Variants in EYA2 observed in about 807,000 individuals in gnomAD.
The protein encoded by EYA2 is protein phosphatase EYA2.
EYA2 carries 31 observed loss-of-function variants against 69.2 expected under a neutral mutation model. The ratio of observed to expected loss-of-function variants is 0.45; its 90% CI spans 0.34 to 0.60. EYA2 has a LOEUF of 0.60. Among genes scored for constraint, EYA2 ranks in the 20% least tolerant of loss-of-function variants. The pLI, the probability that EYA2 is intolerant of heterozygous loss-of-function variation, is 0.02. For synonymous variants in EYA2, 257 were observed against 279.4 expected (o/e 0.92, Z 0.80); for missense variants, 622 against 701.2 (o/e 0.89, Z 1.28).
chr20:47,085,669 T>C (rs1481299691), intron 7 of EYA2, among the ~76,000 whole-genome samples: 1 of 148,214 alleles, frequency 6.7e-6, no homozygotes, highest in African/African-American at 2.5e-5. Context: ...AAGAAAGAAA[T>C]GAAGTATCGA....
At chr20:46,937,818 C>T (rs1985981699) in intron 1 of EYA2, among the ~76,000 whole-genome samples, 1 of 152,154 alleles carries the variant, frequency 6.6e-6, no homozygotes, top group Admixed American at 6.5e-5. Flanking sequence ...AGAAAATCAA[C>T]TCATTCATTC....
intron 1 of EYA2, among the ~76,000 whole-genome samples, chr20:46,976,074 A>T (rs952023892): frequency 6.6e-6 from 1 of 152,162 alleles, no homozygotes; most frequent in South Asian, 2.1e-4. Context: ...GCAATTGCTT[A>T]TGTAAGCTGA....
At chr20:46,974,648 G>C (rs1172028214) in intron 1 of EYA2, among the ~76,000 whole-genome samples, 1 of 152,130 alleles carries the variant, frequency 6.6e-6, no homozygotes. Flanking sequence ...GCCATCCTTG[G>C]CAGGAAGGAC....
chr20:47,124,466 T>C (rs145458151), intron 9 of EYA2, among the ~76,000 whole-genome samples: 1 of 152,186 alleles, frequency 6.6e-6, no homozygotes, highest in Non-Finnish European at 1.5e-5. Flanking sequence ...GTGTGACGAC[T>C]ACTAATAATA....
At chr20:47,153,932 T>C (rs2033871490) in intron 10 of EYA2, among the ~76,000 whole-genome samples, 1 of 152,054 alleles carries the variant, frequency 6.6e-6, no homozygotes, top group African/African-American at 2.4e-5. Context: ...AACTGACATT[T>C]ACTGAGCACT....
At chr20:47,155,271 T>C (rs992221537) in intron 10 of EYA2, among the ~76,000 whole-genome samples, 1 of 151,974 alleles carries the variant, frequency 6.6e-6, no homozygotes, top group Non-Finnish European at 1.5e-5. Flanking sequence ...AGCAACCACA[T>C]GAACACGACA....
chr20:46,964,282 T>C (rs1244281389), intron 1 of EYA2, among the ~76,000 whole-genome samples: 2 of 152,178 alleles, frequency 1.3e-5, no homozygotes, highest in African/African-American at 4.8e-5. Context: ...GTGGGGGGCA[T>C]GACAAGGTCA....
At chr20:47,023,514 A>G (rs1983881070) in intron 5 of EYA2, among the ~76,000 whole-genome samples, 1 of 150,078 alleles carries the variant, frequency 6.7e-6, no homozygotes, top group African/African-American at 2.5e-5. Context: ...CCACACCACT[A>G]CCTCCCACTC....
chr20:47,083,374 C>G (rs2031786765), intron 7 of EYA2, among the ~76,000 whole-genome samples: 1 of 151,784 alleles, frequency 6.6e-6, no homozygotes, highest in Admixed American at 6.6e-5. Context: ...GTCAGGAGTT[C>G]AAGATCAGCC....
At chr20:47,123,708 G>A (rs1029731253) in intron 9 of EYA2, among the ~76,000 whole-genome samples, 13 of 152,058 alleles carry the variant, frequency 8.5e-5, no homozygotes, top group African/African-American at 2.7e-4. Context: ...AGGGACTAAC[G>A]GGCTGGGTAC....
At chr20:46,977,040 G>C (rs1980505995) in intron 1 of EYA2, among the ~76,000 whole-genome samples, 1 of 152,214 alleles carries the variant, frequency 6.6e-6, no homozygotes, top group South Asian at 2.1e-4. Context: ...TCATGGCATG[G>C]AATGAACACC....
intron 5 of EYA2, among the ~76,000 whole-genome samples, chr20:47,032,343 C>T (rs1291638782): frequency 2.0e-5 from 3 of 151,970 alleles, no homozygotes; most frequent in African/African-American, 7.3e-5. Context: ...CCCAGGAAGG[C>T]AGCTTAGCCC....
chr20:47,063,255 C>CT (rs1283335371), intron 5 of EYA2, among the ~76,000 whole-genome samples: 4 of 152,060 alleles, frequency 2.6e-5, no homozygotes, highest in Admixed American at 2.0e-4. Flanking sequence ...CACAAGCCTA[C>CT]TTTTTTTTGT....
At chr20:46,939,170 T>G (rs940206722) in intron 1 of EYA2, among the ~76,000 whole-genome samples, 5 of 152,198 alleles carry the variant, frequency 3.3e-5, no homozygotes, top group Non-Finnish European at 7.3e-5. Flanking sequence ...ATTGCCCTGG[T>G]GACAGCGATT....
intron 9 of EYA2, among the ~76,000 whole-genome samples, chr20:47,135,454 T>G (rs1210169889): frequency 6.6e-6 from 1 of 151,692 alleles, no homozygotes; most frequent in Non-Finnish European, 1.5e-5. Context: ...AGATTGGCCA[T>G]TATCATTATC....
chr20:47,085,107 G>A (rs2031853322), intron 7 of EYA2, among the ~76,000 whole-genome samples: 1 of 151,560 alleles, frequency 6.6e-6, no homozygotes, highest in African/African-American at 2.4e-5. Context: ...AAAGTGCTAG[G>A]ATTACAGGCA....
intron 9 of EYA2, among the ~76,000 whole-genome samples, chr20:47,127,883 C>T (rs1240159179): frequency 6.6e-6 from 1 of 152,324 alleles, no homozygotes; most frequent in East Asian, 1.9e-4. Context: ...TTGACAAGAG[C>T]GAAACAGACA....
At chr20:47,128,687 C>T (rs2033260719) in intron 9 of EYA2, among the ~76,000 whole-genome samples, 3 of 152,192 alleles carry the variant, frequency 2.0e-5, no homozygotes, top group Non-Finnish European at 2.9e-5. Context: ...AATCCCAGCT[C>T]TGCCACTTAT....
At chr20:47,072,000 C>T in intron 5 of EYA2, 185 bp from the exon 6 acceptor site, 1 of 636,530 alleles carries the variant, frequency 1.6e-6, no homozygotes, top group South Asian at 1.8e-5. Context: ...GGATTAGTGT[C>T]AACAAGTCTC....
Sources: allele counts gnomAD v4.1 joint callset (sites outside exome capture counted in the v4.1 genomes callset), GRCh38; gene constraint gnomAD v4.1.1; transcripts MANE v1.5; gene names NCBI Gene and HGNC (gene_info 2026-07-23, HGNC 2026-07-21).